Variants in SMARCA2 observed in about 807,000 individuals in gnomAD.
The protein encoded by SMARCA2 is SWI/SNF-related matrix-associated actin-dependent regulator of chromatin subfamily A member 2.
SMARCA2 carries 61 observed loss-of-function variants against 199.8 expected under a neutral mutation model. The ratio of observed to expected loss-of-function variants is 0.31; its 90% CI spans 0.25 to 0.38. SMARCA2 has a LOEUF of 0.38. Ranked by LOEUF, SMARCA2 falls within the 10% of genes least tolerant of loss-of-function variation. SMARCA2 has a pLI of 1.00. For synonymous variants in SMARCA2, 935 were observed against 732.0 expected (o/e 1.28, Z -4.48); for missense variants, 1,344 against 2,012.2 (o/e 0.67, Z 6.35).
intron 32 of SMARCA2, among the ~76,000 whole-genome samples, chr9:2,189,031 C>T (rs537267766): frequency 2.0e-4 from 30 of 152,296 alleles, no homozygotes; most frequent in South Asian, 8.3e-4. Flanking sequence ...TCCTCTTCCA[C>T]GTTTAAGGAT....
rs374672274 is a variant in SMARCA2 at position 2,095,694 on chromosome 9, G to T, written c.2884-963G>T. ...GATTCCTTCGAAAGCAACAATTGAA[G>T]GAATATTCAAGTTCTCTGTGACCTC... On this transcript the variant is annotated intron_variant, in intron 19 of 33. Coordinates refer to ENST00000349721, the MANE Select transcript of SMARCA2 (RefSeq NM_003070.5). 2.2e-3 allele frequency among the ~76,000 whole-genome samples: 336 copies of T among 152,306 alleles called. 1 individual carries two copies. The highest frequency in any genetic ancestry group is 7.2e-3 in the African/African-American group (300 of 41,568).
intron 27 of SMARCA2, among the ~76,000 whole-genome samples, chr9:2,145,304 CAAAAAAAAAA>C (rs56314428): frequency 0.15 from 19,429 of 132,072 alleles, 1,497 homozygotes; most frequent in Non-Finnish European, 0.21. Flanking sequence ...ACTCTTGTCT[CAAAAAAAAAA>C]AAAAAAAAAA....
In SMARCA2 at chr9:2,088,484, T is replaced by C. The variant is rs1821903585; in HGVS notation, c.2770-16T>C. 1 of 1,564,694 alleles carries C rather than the reference T, an allele frequency of 6.4e-7. No individual in the cohort carries two copies. The highest frequency in any genetic ancestry group is 8.6e-7 in the Non-Finnish European group (1 of 1,166,004). On this transcript the variant is annotated splice_polypyrimidine_tract_variant and intron_variant, in intron 18 of 33. Transcript: ENST00000349721. ...TTTCTTTAAAAAATCAAATTCATAATAAGCCTCTCTTACAGGTGGACTTAA... is the reference window on the plus strand; with the variant it reads ...TTTCTTTAAAAAATCAAATTCATAACAAGCCTCTCTTACAGGTGGACTTAA...
rs143967710 is a variant in SMARCA2 at position 2,107,316 on chromosome 9, T to A, written c.3293-2938T>A. On this transcript the variant is annotated intron_variant, in intron 23 of 33. Coordinates refer to ENST00000349721, the MANE Select transcript of SMARCA2 (RefSeq NM_003070.5). The stretch of plus-strand genomic sequence containing the variant: ...CAAGTTCCCAGCTATTTATACAGTT[T>A]ATTTAATTTAATTTTATTTTATTTT... Among the ~76,000 whole-genome samples, 307 of 152,284 alleles carry A rather than the reference T, an allele frequency of 2.0e-3. 2 individuals are homozygous for A. Among genetic ancestry groups the A allele is most frequent in the Admixed American group, 0.017 (264 of 15,298 alleles).
At chr9:2,066,473 T>C (rs921178260) in intron 9 of SMARCA2, among the ~76,000 whole-genome samples, 2 of 152,244 alleles carry the variant, frequency 1.3e-5, no homozygotes, top group African/African-American at 4.8e-5. Context: ...AAGATATGAA[T>C]TGACGTTGGC....
intron 29 of SMARCA2, among the ~76,000 whole-genome samples, chr9:2,177,616 G>A (rs537113862): frequency 1.3e-5 from 2 of 151,954 alleles, no homozygotes; most frequent in Middle Eastern, 3.4e-3. Flanking sequence ...GCAGTGGCGC[G>A]ATCTCAGCTC....
intron 26 of SMARCA2, among the ~76,000 whole-genome samples, chr9:2,122,307 A>G (rs938141518): frequency 1.4e-5 from 2 of 146,522 alleles, no homozygotes; most frequent in African/African-American, 5.4e-5. Context: ...TTGTCATCTC[A>G]GTATAGGACA....
intron 4 of SMARCA2, among the ~76,000 whole-genome samples, chr9:2,046,384 G>C (rs904620787): frequency 6.6e-6 from 1 of 152,128 alleles, no homozygotes; most frequent in Admixed American, 6.5e-5. Flanking sequence ...TTTTATTCTG[G>C]TAACATGGGA....
chr9:2,110,247 C>T lies in SMARCA2; in HGVS notation c.3293-7C>T, dbSNP rs1237579097. The stretch of plus-strand genomic sequence containing the variant: ...AATTGGCAAATTAATTTTTCTGATC[C>T]CCTCAGGCACCACCAAGTCTGAAGA... On this transcript the variant is annotated splice_polypyrimidine_tract_variant and splice_region_variant and intron_variant, in intron 23 of 33. Transcript: ENST00000349721. The surrounding 1 kb of genome is among the most constrained non-coding windows in gnomAD (Gnocchi z 4.8). 1 of 1,576,310 alleles carries T rather than the reference C, an allele frequency of 6.3e-7. No homozygotes were observed. Among genetic ancestry groups the T allele is most frequent in the East Asian group, 2.3e-5 (1 of 44,098 alleles).
rs781399337 is a variant in SMARCA2, at chr9:2,047,495, C to T, written c.1046+11C>T. On this transcript the variant is annotated intron_variant, in intron 5 of 33. Transcript: ENST00000349721. Reference sequence around the variant, plus strand: ...AGAGCGGGAATACAGGTAACGCACCCCGCCAGCAAGGGGCCCCCTGCGGTG... The same window carrying T: ...AGAGCGGGAATACAGGTAACGCACCTCGCCAGCAAGGGGCCCCCTGCGGTG... The T allele has an allele frequency of 2.1e-6, 3 of 1,416,454 alleles. No individual in the cohort carries two copies. The highest frequency in any genetic ancestry group is 2.6e-5 in the Admixed American group (1 of 38,252). 87.7% of individuals were successfully genotyped at this position (1,416,454 alleles called of 1,614,324 possible).
intron 23 of SMARCA2, among the ~76,000 whole-genome samples, chr9:2,108,837 C>T (rs1295240580): frequency 1.3e-5 from 2 of 152,168 alleles, no homozygotes; most frequent in African/African-American, 2.4e-5. Flanking sequence ...GTTTAGTGCT[C>T]CTCCTCCAAA....
chr9:2,039,993 G>A lies in SMARCA2; in HGVS notation c.790+93G>A, dbSNP rs578110600. ...AACACCGGGTTGTTAAAAGCCCGGGGCTGACGTAGCCTTTTGTTATACCTC... is the reference window on the plus strand; with the variant it reads ...AACACCGGGTTGTTAAAAGCCCGGGACTGACGTAGCCTTTTGTTATACCTC... On this transcript the variant is annotated intron_variant, in intron 4 of 33. Transcript: ENST00000349721. The surrounding 1 kb of genome is among the most constrained non-coding windows in gnomAD (Gnocchi z 4.8). 1 of 1,555,402 alleles carries A rather than the reference G, an allele frequency of 6.4e-7. No individual in the cohort carries two copies. Among genetic ancestry groups the A allele is most frequent in the East Asian group, 2.2e-5 (1 of 44,536 alleles).
chr9:2,081,805 A>G, intron 14 of SMARCA2, 27 bp from the exon 15 acceptor site: 2 of 1,609,478 alleles, frequency 1.2e-6, no homozygotes, highest in Non-Finnish European at 1.7e-6. Context: ...GATCTTGGAT[A>G]ATTGAAGCAA....
At chr9:2,044,194 C>T (rs1042960487) in intron 4 of SMARCA2, 1 of 152,212 alleles carries the variant, frequency 6.6e-6, no homozygotes, top group Admixed American at 6.5e-5. Context: ...TTCAGTTCCC[C>T]GGCCTCTGTT....
At chr9:2,171,843 T>C (rs946083513) in intron 29 of SMARCA2, among the ~76,000 whole-genome samples, 2 of 152,224 alleles carry the variant, frequency 1.3e-5, no homozygotes, top group African/African-American at 4.8e-5. Flanking sequence ...CTCTTTGCCC[T>C]CTTCCATCAA....
At chr9:2,149,495 G>A (rs993861018) in intron 27 of SMARCA2, among the ~76,000 whole-genome samples, 1 of 151,496 alleles carries the variant, frequency 6.6e-6, no homozygotes, top group African/African-American at 2.4e-5. Context: ...ACTCCAGCCT[G>A]GGCGACAGAG....
intron 27 of SMARCA2, among the ~76,000 whole-genome samples, chr9:2,127,813 T>C (rs1040849950): frequency 2.0e-5 from 3 of 152,364 alleles, no homozygotes; most frequent in South Asian, 2.1e-4. Context: ...TTTGGTTTCA[T>C]TGAAGACAGG....
intron 15 of SMARCA2, 50 bp downstream of exon 15, chr9:2,082,045 G>A: frequency 6.8e-7 from 1 of 1,472,878 alleles, no homozygotes; most frequent in Non-Finnish European, 9.3e-7. Flanking sequence ...GTTGTAGAGT[G>A]CCCGATTAGT....
At chr9:2,067,635 G>GAC (rs1820903135) in intron 9 of SMARCA2, among the ~76,000 whole-genome samples, 1 of 152,146 alleles carries the variant, frequency 6.6e-6, no homozygotes, top group Non-Finnish European at 1.5e-5. Flanking sequence ...AGGGAACTAA[G>GAC]ACACAAGAGA....
Sources: allele counts gnomAD v4.1 joint callset (sites outside exome capture counted in the v4.1 genomes callset), GRCh38; gene constraint gnomAD v4.1.1; non-coding constraint Gnocchi (gnomAD v3.1); transcripts MANE v1.5; gene names NCBI Gene and HGNC (gene_info 2026-07-23, HGNC 2026-07-21).